The following LIPJ variants were observed in gnomAD, a reference collection of about 807,000 sequenced individuals.
The protein encoded by LIPJ is lipase family member J.
In LIPJ, 33 loss-of-function variants were observed where a neutral mutation model predicts 39.8. That is an observed-to-expected ratio of 0.83 (90% confidence interval 0.63 to 1.11). The LOEUF is 1.11. LIPJ is among the 50% of genes least tolerant of loss of function. LIPJ has a pLI of 0.00. For missense variants in LIPJ, 422 were observed against 427.9 expected (o/e 0.99, Z 0.12); for synonymous variants, 128 against 139.2 (o/e 0.92, Z 0.57).
chr10:88,602,036 T>C (rs1851501583), intron 8 of LIPJ, among the ~76,000 whole-genome samples: 1 of 152,154 alleles, frequency 6.6e-6, no homozygotes. Context: ...CACTATAGAA[T>C]TTGAGGCCCT....
downstream of LIPJ, chr10:88,607,021 T>C: frequency 1.3e-5 from 16 of 1,185,742 alleles, no homozygotes; most frequent in Non-Finnish European, 1.5e-5. Flanking sequence ...TGTAGTTTTT[T>C]CCTCTATATT....
chr10:88,598,997 T>A (rs1378743574), intron 8 of LIPJ, among the ~76,000 whole-genome samples: 1 of 144,560 alleles, frequency 6.9e-6, no homozygotes, highest in Non-Finnish European at 1.5e-5. Context: ...TAAAATATTA[T>A]ATTATATTAT....
At chr10:88,603,999 G>A (rs1385259737) in intron 9 of LIPJ, among the ~76,000 whole-genome samples, 1 of 152,096 alleles carries the variant, frequency 6.6e-6, no homozygotes, top group African/African-American at 2.4e-5. Flanking sequence ...CTACATCAGT[G>A]AACAAAACAA....
intron 6 of LIPJ, among the ~76,000 whole-genome samples, 177 bp downstream of exon 6, chr10:88,594,953 C>T (rs1256028773): frequency 6.6e-6 from 1 of 151,754 alleles, no homozygotes; most frequent in Non-Finnish European, 1.5e-5. Context: ...CCCATGGAGT[C>T]TTCTCTAGTC....
Position 88,602,211 on chromosome 10 carries a change from G to A in LIPJ, c.724-365G>A, listed in dbSNP as rs149407075. Among the ~76,000 whole-genome samples the A allele has an allele frequency of 6.7e-3, 1,013 of 151,810 alleles. 6 individuals are homozygous for A. The highest frequency in any genetic ancestry group is 0.011 in the Non-Finnish European group (749 of 67,892). ...TTTGTTTCTTTGCTTGTCTTTGGGG[G>A]TTCTTTATTTCTCTCCTCAATTTAT... On this transcript the variant is annotated intron_variant, in intron 8 of 10. Coordinates refer to ENST00000371939, the Ensembl canonical transcript of LIPJ.
intron 4 of LIPJ, 79 bp from the exon 5 acceptor site, chr10:88,593,867 A>G (rs1851162449): frequency 7.9e-7 from 1 of 1,260,598 alleles, no homozygotes; most frequent in Non-Finnish European, 1.1e-6. Context: ...TCATGTACTA[A>G]AAGTTTGAAT....
At chr10:88,595,723 T>TAATC (rs1189487506) in intron 6 of LIPJ, among the ~76,000 whole-genome samples, 1 of 151,520 alleles carries the variant, frequency 6.6e-6, no homozygotes, top group African/African-American at 2.4e-5. Flanking sequence ...AATAAATAAA[T>TAATC]AATCAATCAG....
intron 9 of LIPJ, among the ~76,000 whole-genome samples, chr10:88,605,273 G>C (rs1417342417): frequency 6.6e-6 from 1 of 152,096 alleles, no homozygotes; most frequent in Non-Finnish European, 1.5e-5. Context: ...GTTTTAGGCG[G>C]GTGTTATCTT....
intron 2 of LIPJ, among the ~76,000 whole-genome samples, chr10:88,589,485 A>G (rs968669107): frequency 4.0e-5 from 6 of 151,898 alleles, no homozygotes; most frequent in Non-Finnish European, 7.4e-5. Context: ...AACCACAGAT[A>G]TTATACCAAA....
chr10:88,586,707 T>A (rs1011520694), upstream of LIPJ: 3 of 152,162 alleles, frequency 2.0e-5, no homozygotes, highest in Non-Finnish European at 4.4e-5. Context: ...AGGGTAGAAA[T>A]TTTGTCATGT....
At chr10:88,616,276 C>T in the LIPJ span, among the ~76,000 whole-genome samples, 4 of 152,282 alleles carry the variant, frequency 2.6e-5, no homozygotes, top group East Asian at 1.9e-4. Context: ...TTAGTGACCC[C>T]GCGGGGAAAG....
At chr10:88,599,396 C>G (rs918694571) in intron 8 of LIPJ, among the ~76,000 whole-genome samples, 4 of 151,922 alleles carry the variant, frequency 2.6e-5, no homozygotes, top group African/African-American at 9.7e-5. Context: ...AGTTTATACC[C>G]TTTGACCACC....
At chr10:88,614,088 G>A in the LIPJ span, among the ~76,000 whole-genome samples, 119,620 of 151,088 alleles carry the variant, frequency 0.79, 47,956 homozygotes, top group East Asian at 0.97. Flanking sequence ...GCACAAAACT[G>A]TGGGAGAGAA....
chr10:88,599,839 T>C (rs996202903), intron 8 of LIPJ, among the ~76,000 whole-genome samples: 1 of 151,716 alleles, frequency 6.6e-6, no homozygotes, highest in African/African-American at 2.4e-5. Context: ...AATATTTTCA[T>C]TTGACAATCT....
chr10:88,588,367 A>C (rs1186475212), intron 2 of LIPJ, among the ~76,000 whole-genome samples: 1 of 151,908 alleles, frequency 6.6e-6, no homozygotes, highest in Non-Finnish European at 1.5e-5. Context: ...CTCTAAATTT[A>C]TTAATATCAA....
rs566408487 is a variant in LIPJ, at chr10:88,598,985, TATAAAATATTATATTATATTATA to T, written c.723+2054_723+2076del. Among the ~76,000 whole-genome samples, 1,003 of 146,192 alleles carry T rather than the reference TATAAAATATTATATTATATTATA, an allele frequency of 6.9e-3. 27 individuals are homozygous for T. In the South Asian group the frequency reaches 0.083, roughly 12 times the overall value. On this transcript the variant is annotated intron_variant, in intron 8 of 10. Coordinates refer to ENST00000371939, the Ensembl canonical transcript of LIPJ. ...ATAATATATTATATTATTACAATAA[TATAAAATATTATATTATATTATA>T]ATAATATATTATATTAATTTAATAT...
exon 5 of LIPJ, chr10:88,593,976 G>T: frequency 6.2e-7 from 1 of 1,612,124 alleles, no homozygotes; most frequent in Non-Finnish European, 8.5e-7. Flanking sequence ...TTGCAACATG[G>T]TTTGCTTACA....
chr10:88,591,344 T>G (rs767414474), intron 3 of LIPJ, 34 bp from the exon 4 acceptor site: 11 of 1,550,196 alleles, frequency 7.1e-6, no homozygotes, highest in Non-Finnish European at 9.6e-6. Flanking sequence ...GGATAACAAT[T>G]TTATGCTAAA....
intron 8 of LIPJ, among the ~76,000 whole-genome samples, chr10:88,600,726 A>C (rs1373943850): frequency 6.6e-6 from 1 of 152,120 alleles, no homozygotes; most frequent in Non-Finnish European, 1.5e-5. Flanking sequence ...TTACTGTCTT[A>C]GTGCATTTTG....
Sources: gnomAD v4.1 joint callset for allele counts (sites outside exome capture counted in the v4.1 genomes callset) on GRCh38, gnomAD v4.1.1 for gene constraint, MANE v1.5 for transcripts, NCBI Gene and HGNC (gene_info 2026-07-23, HGNC 2026-07-21) for gene names.